Variants in RPS11 observed in about 807,000 individuals in gnomAD.
RPS11 encodes small ribosomal subunit protein uS17.
For synonymous variants in RPS11, 107 were observed against 78.0 expected (o/e 1.37, Z -1.96); for missense variants, 127 against 211.4 (o/e 0.60, Z 2.48).
rs764099453 is a variant in RPS11 at position 49,497,945 on chromosome 19, G to A, written c.252G>A (p.Arg84=). 6.8e-6 allele frequency: 11 copies of A among 1,614,130 alleles called. No individual in the cohort carries two copies. Among genetic ancestry groups the A allele is most frequent in the Non-Finnish European group, 9.3e-6 (11 of 1,180,024 alleles). ...SGVVTKMKMQ[R]TIVIRRDYLH... is the part of the protein sequence containing the mutation. ...TGGTGACCAAGATGAAGATGCAGAG[G>A]ACCATTGTCATCCGCCGAGACTATC... The change falls in exon 4 of 5, where the codon AGG becomes AGA. Residue 84 remains arginine (R), a synonymous_variant. Coordinates refer to ENST00000270625, the MANE Select transcript of RPS11 (RefSeq NM_001015.5).
chr19:49,497,632 TACTG>T (rs1265235084), intron 3 of RPS11, 37 bp downstream of exon 3: 17 of 1,586,932 alleles, frequency 1.1e-5, no homozygotes, highest in African/African-American at 4.0e-5. Flanking sequence ...GGGCCTGAAA[TACTG>T]AAAGAAGGGT....
chr19:49,497,570 G>A lies in RPS11; in HGVS notation c.198G>A (p.Val66=). The A allele has an allele frequency of 6.2e-7, 1 of 1,614,020 alleles. No homozygotes were observed. The highest frequency in any genetic ancestry group is 8.5e-7 in the Non-Finnish European group (1 of 1,179,984). ...IDKKCPFTGN[V]SIRGRILSGV... ...AGAAATGCCCCTTCACTGGTAATGTGTCCATTCGAGGGCGGATCCTCTCTG... is the reference window on the plus strand; with the variant it reads ...AGAAATGCCCCTTCACTGGTAATGTATCCATTCGAGGGCGGATCCTCTCTG... The change falls in exon 3 of 5, where the codon GTG becomes GTA. Residue 66 remains valine (V), a synonymous_variant. Coordinates refer to ENST00000270625, the MANE Select transcript of RPS11 (RefSeq NM_001015.5).
At chr19:49,497,065 C>T (rs1568691970) in intron 1 of RPS11, 129 bp from the exon 2 acceptor site, 4 of 1,099,570 alleles carry the variant, frequency 3.6e-6, no homozygotes, top group Non-Finnish European at 5.2e-6. Context: ...GGCACCAGGC[C>T]TTGGACGCCG....
At chr19:49,499,432 C>A in intron 4 of RPS11, 80 bp from the exon 5 acceptor site, 2 of 1,504,460 alleles carry the variant, frequency 1.3e-6, no homozygotes, top group Non-Finnish European at 1.8e-6. Flanking sequence ...GAGCCTTTAG[C>A]CTGGTGAAGG....
intron 1 of RPS11, 47 bp from the exon 2 acceptor site, chr19:49,497,147 C>A (rs768376302): frequency 6.2e-7 from 1 of 1,606,232 alleles, no homozygotes; most frequent in Non-Finnish European, 8.5e-7. Flanking sequence ...GGTTGGCTGC[C>A]GGCTTCAAAC....
chr19:49,497,768 A>C (rs201543860), intron 3 of RPS11, 149 bp from the exon 4 acceptor site: 60 of 1,215,666 alleles, frequency 4.9e-5, no homozygotes, highest in Non-Finnish European at 7.0e-5. Flanking sequence ...CCACGTGGGC[A>C]CTGCTGAGAA....
In RPS11 at chr19:49,498,062, C is replaced by T. The variant is rs1218217383; in HGVS notation, c.353+16C>T. 6.2e-7 allele frequency: 1 copy of T among 1,611,704 alleles called. No homozygotes were observed. Among genetic ancestry groups the T allele is most frequent in the Non-Finnish European group, 8.5e-7 (1 of 1,179,934 alleles). ...CCTGCTTCAGGTGAGCGCAGTGGCC[C>T]ATCAGGTTGCTCAGGCCACGCTCTC... On this transcript the variant is annotated intron_variant, in intron 4 of 4. Coordinates refer to ENST00000270625, the MANE Select transcript of RPS11 (RefSeq NM_001015.5).
intron 4 of RPS11, among the ~76,000 whole-genome samples, chr19:49,498,525 G>A (rs2079918904): frequency 6.6e-6 from 1 of 151,698 alleles, no homozygotes. Context: ...GCTGAGGCAG[G>A]AGGATCCCTT....
At chr19:49,499,431 GC>G in intron 4 of RPS11, 80 bp from the exon 5 acceptor site, 1 of 1,501,736 alleles carries the variant, frequency 6.7e-7, no homozygotes, top group Non-Finnish European at 9.1e-7. Flanking sequence ...AGAGCCTTTA[GC>G]CTGGTGAAGG....
At chr19:49,496,664 C>T (rs1375983078) in intron 1 of RPS11, among the ~76,000 whole-genome samples, 193 bp downstream of exon 1, 4 of 152,144 alleles carry the variant, frequency 2.6e-5, no homozygotes, top group South Asian at 2.1e-4. Flanking sequence ...CTGGGGGCTC[C>T]TGGCGTTAAT....
chr19:49,498,646 C>T (rs1413212769), intron 4 of RPS11, among the ~76,000 whole-genome samples: 2 of 152,042 alleles, frequency 1.3e-5, no homozygotes, highest in Non-Finnish European at 2.9e-5. Flanking sequence ...GGTCTTCAGG[C>T]GGCTGGGGTG....
At chr19:49,496,604 C>G in intron 1 of RPS11, 133 bp downstream of exon 1, 3 of 977,952 alleles carry the variant, frequency 3.1e-6, no homozygotes, top group South Asian at 3.2e-5. Flanking sequence ...TAGAGATTAA[C>G]TGGAGTGGAG....
intron 4 of RPS11, 125 bp from the exon 5 acceptor site, chr19:49,499,387 A>C: frequency 7.9e-6 from 8 of 1,008,830 alleles, no homozygotes; most frequent in East Asian, 2.5e-5. Flanking sequence ...ATTGGCGAGT[A>C]GAGCTTGGTT....
chr19:49,498,672 C>G (rs939349), intron 4 of RPS11, among the ~76,000 whole-genome samples: 8,167 of 152,102 alleles, frequency 0.054, 599 homozygotes, highest in African/African-American at 0.16. Flanking sequence ...ATTGCTTGAG[C>G]CCAGAAAGTG....
In RPS11 at chr19:49,497,333, G is replaced by A. The variant is rs1345072511; in HGVS notation, c.147+8G>A. ...TTCAAGACACCCAAGGAGGTGCGGGGAACCTCAGAAGAAAGAAGGGGAACC... is the reference window on the plus strand; with the variant it reads ...TTCAAGACACCCAAGGAGGTGCGGGAAACCTCAGAAGAAAGAAGGGGAACC... On this transcript the variant is annotated splice_region_variant and intron_variant, in intron 2 of 4. Transcript: ENST00000270625. 17 of 1,613,886 alleles carry A rather than the reference G, an allele frequency of 1.1e-5. No homozygotes were observed. The highest frequency in any genetic ancestry group is 1.4e-5 in the Non-Finnish European group (17 of 1,179,976).
At chr19:49,498,720 G>T (rs1313720365) in intron 4 of RPS11, among the ~76,000 whole-genome samples, 1 of 152,108 alleles carries the variant, frequency 6.6e-6, no homozygotes, top group Non-Finnish European at 1.5e-5. Context: ...ACTGCTCTCC[G>T]GCCTGGGCGA....
At chr19:49,496,525 G>C in intron 1 of RPS11, 54 bp downstream of exon 1, 1 of 1,555,040 alleles carries the variant, frequency 6.4e-7, no homozygotes, top group Non-Finnish European at 8.7e-7. Flanking sequence ...GCCTTCAGGG[G>C]CGCGTCCGGG....
intron 1 of RPS11, 55 bp from the exon 2 acceptor site, chr19:49,497,139 T>C: frequency 6.2e-7 from 1 of 1,605,306 alleles, no homozygotes; most frequent in Non-Finnish European, 8.5e-7. Flanking sequence ...CTAGGGCTGG[T>C]TGGCTGCCGG....
chr19:49,497,074 C>CG (rs1202345732), intron 1 of RPS11, 120 bp from the exon 2 acceptor site: 1 of 1,221,058 alleles, frequency 8.2e-7, no homozygotes, highest in African/African-American at 1.5e-5. Flanking sequence ...CCTTGGACGC[C>CG]GGCGCTTTGC....
Sources: gnomAD v4.1 joint callset for allele counts (sites outside exome capture counted in the v4.1 genomes callset) on GRCh38, gnomAD v4.1.1 for gene constraint, MANE v1.5 for transcripts, NCBI Gene and HGNC (gene_info 2026-07-23, HGNC 2026-07-21) for gene names.